The following SLC4A10 variants were observed in gnomAD, a reference collection of about 807,000 sequenced individuals.
The protein encoded by SLC4A10 is solute carrier family 4 member 10.
In SLC4A10, 42 loss-of-function variants were observed where a neutral mutation model predicts 137.7. That is an observed-to-expected ratio of 0.30 (90% confidence interval 0.24 to 0.39). The LOEUF is 0.39. Among genes scored for constraint, SLC4A10 ranks in the 10% least tolerant of loss-of-function variants. The probability of loss-of-function intolerance (pLI) is 1.00; values close to 1 mark genes in which losing one functional copy is unlikely to be tolerated. For synonymous variants in SLC4A10, 474 were observed against 464.1 expected (o/e 1.02, Z -0.27); for missense variants, 925 against 1,355.0 (o/e 0.68, Z 4.98).
chr2:161,833,578 T>C lies in SLC4A10; in HGVS notation c.278-6211T>C, dbSNP rs79234603. On this transcript the variant is annotated intron_variant, in intron 3 of 26. Transcript: ENST00000446997. ...AGGCAAGAACTTAATAAATGTTGTA[T>C]TGATAGTAGGGCAGCAGGTACATCT... is the stretch of plus-strand genomic sequence containing the variant. 9.5e-3 allele frequency among the ~76,000 whole-genome samples: 1,452 copies of C among 152,314 alleles called. 91 individuals are homozygous for C. In the East Asian group the frequency reaches 0.17, roughly 18 times the overall value.
intron 11 of SLC4A10, among the ~76,000 whole-genome samples, chr2:161,900,198 A>C (rs1477751512): frequency 6.6e-6 from 1 of 152,112 alleles, no homozygotes; most frequent in Non-Finnish European, 1.5e-5. Flanking sequence ...CAGGTGGAAT[A>C]GACCATGGGA....
chr2:161,765,155 TAGTA>T lies in SLC4A10; in HGVS notation c.49-5813_49-5810del, dbSNP rs560995114. 6.6e-3 allele frequency among the ~76,000 whole-genome samples: 1,008 copies of T among 152,280 alleles called. 3 individuals are homozygous for T. Among genetic ancestry groups the T allele is most frequent in the Middle Eastern group, 0.017 (5 of 294 alleles). ...AGAAAATATTGGGGTGCATTGTTAATAGTAAGTATTGGTTTGTGAAATTTTTGTT... is the reference window on the plus strand; with the variant it reads ...AGAAAATATTGGGGTGCATTGTTAATAGTATTGGTTTGTGAAATTTTTGTT... On this transcript the variant is annotated intron_variant, in intron 1 of 26. Transcript: ENST00000446997.
At chr2:161,655,046 T>C (rs1372630935) in intron 1 of SLC4A10, among the ~76,000 whole-genome samples, 1 of 152,200 alleles carries the variant, frequency 6.6e-6, no homozygotes, top group Non-Finnish European at 1.5e-5. Flanking sequence ...TTTTAAACTT[T>C]CCTTCTTCAA....
rs1179430064 is a variant in SLC4A10 at position 161,905,762 on chromosome 2, T to C, written c.1872T>C (p.Thr624=). ...TTGTCTGCTACATCACTCGGTTTAC[T>C]GAAGAAGCTTTTGCTTCCCTGATTT... ...SSLVCYITRF[T]EEAFASLICI... is the part of the protein sequence containing the mutation. Residue 624 remains threonine (T), a synonymous_variant, in exon 15 of 27, where the codon ACT becomes ACC. Coordinates refer to ENST00000446997, the MANE Select transcript of SLC4A10 (RefSeq NM_001178015.2). 2 of 1,614,042 alleles carry C rather than the reference T, an allele frequency of 1.2e-6. No individual in the cohort carries two copies. The highest frequency in any genetic ancestry group is 2.2e-5 in the East Asian group (1 of 44,876).
intron 3 of SLC4A10, among the ~76,000 whole-genome samples, chr2:161,812,306 G>C (rs2125640737): frequency 6.6e-6 from 1 of 151,990 alleles, no homozygotes; most frequent in South Asian, 2.1e-4. Flanking sequence ...TGATCTCTTT[G>C]TGAAGACTTT....
chr2:161,776,032 G>A (rs540446162), intron 2 of SLC4A10, among the ~76,000 whole-genome samples: 2 of 151,950 alleles, frequency 1.3e-5, no homozygotes, highest in South Asian at 4.1e-4. Flanking sequence ...ATATTTTTAT[G>A]TAGATCAAAT....
Position 161,939,170 on chromosome 2 carries a change from A to G in SLC4A10, c.1998-3622A>G, listed in dbSNP as rs757003844. ...CTGCTCACTGCAACCTCTGTCTCCC[A>G]GGTTCAAGTGATTCTCCTGCCTCAG... On this transcript the variant is annotated intron_variant, in intron 15 of 26. Transcript: ENST00000446997. 5.3e-5 allele frequency among the ~76,000 whole-genome samples: 8 copies of G among 152,244 alleles called. No individual in the cohort carries two copies. The South Asian group carries it at 1.2e-3, about 24-fold the overall frequency.
chr2:161,921,870 G>T (rs1559539680), intron 15 of SLC4A10, among the ~76,000 whole-genome samples: 1 of 152,072 alleles, frequency 6.6e-6, no homozygotes, highest in Non-Finnish European at 1.5e-5. Context: ...TTAAAGGTAG[G>T]GACTACGATA....
intron 11 of SLC4A10, among the ~76,000 whole-genome samples, chr2:161,895,868 G>T (rs1326093998): frequency 6.6e-6 from 1 of 151,962 alleles, no homozygotes; most frequent in Non-Finnish European, 1.5e-5. Flanking sequence ...TAGGTTGCCT[G>T]TTCACTCTGA....
At chr2:161,804,977 T>C (rs1242198924) in intron 3 of SLC4A10, among the ~76,000 whole-genome samples, 7 of 152,158 alleles carry the variant, frequency 4.6e-5, no homozygotes, top group African/African-American at 1.7e-4. Flanking sequence ...GTTGTATTAG[T>C]CCGTTTTCAC....
intron 3 of SLC4A10, among the ~76,000 whole-genome samples, chr2:161,812,774 T>C (rs4603779): frequency 0.066 from 10,103 of 152,120 alleles, 441 homozygotes; most frequent in East Asian, 0.15. Flanking sequence ...ACCCTAATGG[T>C]ACCTAGTTGA....
intron 2 of SLC4A10, among the ~76,000 whole-genome samples, chr2:161,791,999 T>C (rs919390172): frequency 2.0e-5 from 3 of 152,302 alleles, no homozygotes; most frequent in African/African-American, 4.8e-5. Context: ...GTCCTGGTTA[T>C]ACATTTTACA....
chr2:161,936,728 A>T (rs1691649445), intron 15 of SLC4A10, among the ~76,000 whole-genome samples: 1 of 152,156 alleles, frequency 6.6e-6, no homozygotes, highest in Admixed American at 6.6e-5. Context: ...TCAAAACACC[A>T]ACCTTTAGTT....
At chr2:161,667,218 A>T (rs2105758215) in intron 1 of SLC4A10, among the ~76,000 whole-genome samples, 1 of 151,714 alleles carries the variant, frequency 6.6e-6, no homozygotes. Flanking sequence ...TTCCTGAAAA[A>T]GGAGGCAAAG....
intron 1 of SLC4A10, among the ~76,000 whole-genome samples, chr2:161,699,285 G>A (rs2042889079): frequency 6.6e-6 from 1 of 152,156 alleles, no homozygotes; most frequent in Admixed American, 6.5e-5. Flanking sequence ...CTCCCAAAGT[G>A]CTGGGATTAC....
chr2:161,764,518 G>T (rs906675461), intron 1 of SLC4A10, among the ~76,000 whole-genome samples: 12 of 152,030 alleles, frequency 7.9e-5, no homozygotes, highest in Non-Finnish European at 1.6e-4. Context: ...TTACAAAATG[G>T]ATATAACATA....
chr2:161,759,897 A>G (rs1195556277), intron 1 of SLC4A10, among the ~76,000 whole-genome samples: 1 of 152,026 alleles, frequency 6.6e-6, no homozygotes, highest in Non-Finnish European at 1.5e-5. Flanking sequence ...ATATACTTCT[A>G]GAGTAACAAA....
chr2:161,836,654 G>GA (rs34914585), intron 3 of SLC4A10, among the ~76,000 whole-genome samples: 25 of 125,714 alleles, frequency 2.0e-4, no homozygotes, highest in African/African-American at 3.2e-4. Context: ...AAAATTTCTG[G>GA]AAAAAAAAAA....
chr2:161,696,154 C>T (rs1574407548), intron 1 of SLC4A10, among the ~76,000 whole-genome samples: 1 of 150,186 alleles, frequency 6.7e-6, no homozygotes, highest in Non-Finnish European at 1.5e-5. Context: ...TGCATGAGAA[C>T]ATGTGGTGTT....
Sources: gnomAD v4.1 joint callset for allele counts (sites outside exome capture counted in the v4.1 genomes callset) on GRCh38, gnomAD v4.1.1 for gene constraint, MANE v1.5 for transcripts, NCBI Gene and HGNC (gene_info 2026-07-23, HGNC 2026-07-21) for gene names.